The following BRCA1 variants were observed in gnomAD, a reference collection of about 807,000 sequenced individuals.
BRCA1 encodes breast cancer type 1 susceptibility protein.
In BRCA1, 140 loss-of-function variants were observed where a neutral mutation model predicts 173.7. That is an observed-to-expected ratio of 0.81 (90% CI 0.70 to 0.93). The LOEUF (loss-of-function observed/expected upper bound fraction) is 0.93, where lower values mean the gene tolerates loss of function less well. Ranked by LOEUF, BRCA1 falls within the 40% of genes least tolerant of loss-of-function variation. The probability of loss-of-function intolerance (pLI) is 0.00; values close to 1 mark genes in which losing one functional copy is unlikely to be tolerated. For synonymous variants in BRCA1, 662 were observed against 756.0 expected (o/e 0.88, Z 2.04); for missense variants, 1,983 against 2,172.5 (o/e 0.91, Z 1.73).
exon 1 of BRCA1, chr17:43,170,201 G>A (rs1314579468): frequency 1.0e-5 from 2 of 191,122 alleles, no homozygotes; most frequent in Non-Finnish European, 2.2e-5. Flanking sequence ...GGCAGCCGAG[G>A]AAAGGGGTTC....
chr17:43,086,543 G>C (rs990495497), intron 11 of BRCA1, among the ~76,000 whole-genome samples: 3 of 152,030 alleles, frequency 2.0e-5, no homozygotes, highest in African/African-American at 7.2e-5. Flanking sequence ...TGACTTCAAC[G>C]GTTTTGGGTA....
rs375636698 is a variant in BRCA1 at position 43,142,966 on chromosome 17, GTATATATA to G, written c.-19-18859_-19-18852del. The stretch of plus-strand genomic sequence containing the variant: ...TATATATATATGTGTGTGTGTGTGT[GTATATATA>G]TGTGTGTATATATATATGTATATAT... On this transcript the variant is annotated intron_variant, in intron 1 of 7. Transcript: ENST00000634433. Among the ~76,000 whole-genome samples, 288 of 72,976 alleles carry G rather than the reference GTATATATA, an allele frequency of 3.9e-3. 1 individual carries two copies. In the South Asian group the frequency reaches 0.05, roughly 13 times the overall value. 47.9% of individuals were successfully genotyped at this position (72,976 alleles called of 152,430 possible). A position where few individuals can be genotyped will look rare whatever the true frequency, so the allele number is the denominator to read the frequency against.
intron 1 of BRCA1, among the ~76,000 whole-genome samples, chr17:43,150,938 G>A (rs2056157052): frequency 6.6e-6 from 1 of 152,178 alleles, no homozygotes; most frequent in African/African-American, 2.4e-5. Context: ...TGACAGGGAG[G>A]TGTCCTTTAT....
intron 19 of BRCA1, among the ~76,000 whole-genome samples, chr17:43,052,527 G>T (rs552911736): frequency 8.7e-4 from 132 of 152,062 alleles, no homozygotes; most frequent in Middle Eastern, 3.4e-3. Context: ...TAAACACACT[G>T]GCATAGGTTC....
chr17:43,169,920 T>C, intron 1 of BRCA1: 1 of 438,874 alleles, frequency 2.3e-6, no homozygotes, highest in South Asian at 1.8e-5. Flanking sequence ...AATGTTGACG[T>C]TGGCCAGGAC....
At chr17:43,123,437 G>A (rs1301689828) in intron 2 of BRCA1, among the ~76,000 whole-genome samples, 2 of 137,050 alleles carry the variant, frequency 1.5e-5, no homozygotes, top group African/African-American at 5.6e-5. Flanking sequence ...AGCAACATCT[G>A]CCTCCTGGTT....
chr17:43,157,170 G>A (rs375716648), intron 1 of BRCA1, among the ~76,000 whole-genome samples: 1 of 152,194 alleles, frequency 6.6e-6, no homozygotes, highest in African/African-American at 2.4e-5. Context: ...AGAAATAGCT[G>A]CCAATAGTGA....
intron 3 of BRCA1, among the ~76,000 whole-genome samples, chr17:43,115,165 C>CA (rs1369433790): frequency 2.6e-5 from 4 of 152,042 alleles, no homozygotes; most frequent in African/African-American, 9.7e-5. Flanking sequence ...CTGATGGACA[C>CA]AAAAAATACA....
intron 2 of BRCA1, among the ~76,000 whole-genome samples, chr17:43,118,810 C>G (rs2055414196): frequency 1.3e-5 from 2 of 148,192 alleles, no homozygotes; most frequent in Non-Finnish European, 3.0e-5. Flanking sequence ...GCTGCTCAGG[C>G]TGGAGTGCAG....
chr17:43,140,154 T>C (rs1209056620), intron 1 of BRCA1: 2 of 326,316 alleles, frequency 6.1e-6, no homozygotes, highest in African/African-American at 2.2e-5. Context: ...AGAAAAATCC[T>C]TGAAAGACAG....
At chr17:43,056,946 T>C (rs2153336932) in intron 19 of BRCA1, 106 bp downstream of exon 19, 1 of 975,656 alleles carries the variant, frequency 1.0e-6, no homozygotes, top group Non-Finnish European at 1.7e-6. Context: ...GCACTGTGTA[T>C]GTATGTAATA....
intron 6 of BRCA1, 31 bp from the exon 7 acceptor site, chr17:43,099,911 A>G: frequency 6.5e-7 from 1 of 1,533,240 alleles, no homozygotes. Context: ...CAGTCAAGCA[A>G]TTGTTGGCCA....
chr17:43,135,186 C>T (rs1317385782), intron 1 of BRCA1, among the ~76,000 whole-genome samples: 1 of 152,264 alleles, frequency 6.6e-6, no homozygotes, highest in East Asian at 1.9e-4. Flanking sequence ...CGTGCACTTC[C>T]ACCTTCAGCC....
intron 1 of BRCA1, chr17:43,164,569 G>A (rs2056255522): frequency 2.0e-5 from 3 of 152,222 alleles, no homozygotes; most frequent in Admixed American, 2.0e-4. Flanking sequence ...TAGAATAGAT[G>A]AAAAGAGATT....
chr17:43,141,378 G>A (rs2056074211), intron 1 of BRCA1, among the ~76,000 whole-genome samples: 1 of 152,188 alleles, frequency 6.6e-6, no homozygotes, highest in Non-Finnish European at 1.5e-5. Context: ...GGCTGAGGCA[G>A]GAGGATCTTT....
intron 18 of BRCA1, 45 bp downstream of exon 18, chr17:43,063,288 G>A: frequency 6.7e-7 from 1 of 1,486,988 alleles, no homozygotes; most frequent in Non-Finnish European, 9.4e-7. Flanking sequence ...TTAACTATAT[G>A]ACTGAATGAA....
At chr17:43,135,507 A>G (rs1416265224) in intron 1 of BRCA1, among the ~76,000 whole-genome samples, 1 of 152,224 alleles carries the variant, frequency 6.6e-6, no homozygotes, top group Non-Finnish European at 1.5e-5. Flanking sequence ...CTATCATGTC[A>G]TAAGCCGGTG....
rs1555587619 is a variant in BRCA1 at position 43,092,047 on chromosome 17, C to G, written c.3484G>C (p.Asp1162His). 6.2e-7 allele frequency: 1 copy of G among 1,614,082 alleles called. No individual in the cohort carries two copies. The highest frequency in any genetic ancestry group is 8.5e-7 in the Non-Finnish European group (1 of 1,180,022). Residue 1162 changes from aspartate to histidine, a missense_variant, in exon 10 of 23, where the codon GAT (aspartate) becomes CAT (histidine). Coordinates refer to ENST00000357654, the MANE Select transcript of BRCA1 (RefSeq NM_007294.4). ...ATGTCATTTTCAGCAAAACTAGTAT[C>G]TTCCTTTATTTCACCATCATCTAAC... is the stretch of plus-strand genomic sequence containing the variant. ...DLLDDGEIKE[D>H]TSFAENDIKE...
rs80357971 is a variant in BRCA1, at chr17:43,092,848, GTT to G, written c.2681_2682del (p.Lys894ThrfsTer8). The G allele has an allele frequency of 1.4e-5, 22 of 1,613,724 alleles. No individual in the cohort carries two copies. The highest frequency in any genetic ancestry group is 1.9e-5 in the Non-Finnish European group (22 of 1,179,954). On this transcript the variant is annotated frameshift_variant, in exon 10 of 23. Transcript: ENST00000357654. LOFTEE classifies it high-confidence loss of function. Reference sequence around the variant, plus strand: ...CATTCAAAAGTGACTTTTGGACTTTGTTTCTTTAAGGACCCAGAGTGGGCAGA... The same window carrying G: ...CATTCAAAAGTGACTTTTGGACTTTGTCTTTAAGGACCCAGAGTGGGCAGA... Reference protein sequence around the residue: ...TFSAHSGSLKKQSPKVTFECE... With the variant: ...TFSAHSGSLKXQSPKVTFECE...
Sources: gnomAD v4.1 joint callset for allele counts (sites outside exome capture counted in the v4.1 genomes callset) on GRCh38, gnomAD v4.1.1 for gene constraint, MANE v1.5 for transcripts, NCBI Gene and HGNC (gene_info 2026-07-23, HGNC 2026-07-21) for gene names.